The following DYNC1I1 variants were observed in gnomAD, a reference collection of about 807,000 sequenced individuals.
The protein encoded by DYNC1I1 is cytoplasmic dynein 1 intermediate chain 1.
A neutral mutation model predicts 86.6 loss-of-function variants in DYNC1I1; 43 were observed. The ratio of observed to expected loss-of-function variants is 0.50; its 90% CI spans 0.39 to 0.64. The LOEUF is 0.64. Among genes scored for constraint, DYNC1I1 ranks in the 30% least tolerant of loss-of-function variants. The pLI, the probability that DYNC1I1 is intolerant of heterozygous loss-of-function variation, is 0.00. For missense variants in DYNC1I1, 604 were observed against 788.8 expected (o/e 0.77, Z 2.81); for synonymous variants, 262 against 283.7 (o/e 0.92, Z 0.77).
intron 16 of DYNC1I1, among the ~76,000 whole-genome samples, chr7:96,082,691 A>G (rs1304654545): frequency 6.6e-6 from 1 of 152,208 alleles, no homozygotes. Flanking sequence ...GAAACACAAT[A>G]TGACATATAT....
At chr7:96,084,542 C>T (rs1790622547) in intron 16 of DYNC1I1, among the ~76,000 whole-genome samples, 1 of 150,634 alleles carries the variant, frequency 6.6e-6, no homozygotes, top group Non-Finnish European at 1.5e-5. Context: ...CCTGCCTTAG[C>T]CTCCTAAGTA....
At chr7:95,928,045 C>T (rs1791792056) in intron 6 of DYNC1I1, among the ~76,000 whole-genome samples, 1 of 152,204 alleles carries the variant, frequency 6.6e-6, no homozygotes, top group Non-Finnish European at 1.5e-5. Flanking sequence ...GGCCTGGTTT[C>T]AGCAGTTTGC....
chr7:96,062,486 G>C (rs1346781470), intron 14 of DYNC1I1, among the ~76,000 whole-genome samples: 1 of 151,464 alleles, frequency 6.6e-6, no homozygotes. Context: ...GTCAAAACCA[G>C]GCTATAGATA....
At chr7:95,811,316 A>T (rs1322789734) in intron 3 of DYNC1I1, among the ~76,000 whole-genome samples, 1 of 152,184 alleles carries the variant, frequency 6.6e-6, no homozygotes, top group Non-Finnish European at 1.5e-5. Flanking sequence ...TATCCAATAT[A>T]GTTAAAAACC....
intron 6 of DYNC1I1, among the ~76,000 whole-genome samples, chr7:95,950,624 C>T (rs1463772588): frequency 1.3e-5 from 2 of 152,092 alleles, no homozygotes; most frequent in East Asian, 1.9e-4. Flanking sequence ...TGGCAGAATT[C>T]GGTAAAACTG....
At position 96,079,885 on chromosome 7, in the gene DYNC1I1, T is replaced by G. The variant is rs550449823; in HGVS notation, c.1651-478T>G. Among the ~76,000 whole-genome samples, 7 of 152,330 alleles carry G rather than the reference T, an allele frequency of 4.6e-5. No homozygotes were observed. The East Asian group carries it at 1.3e-3, about 29-fold the overall frequency. On this transcript the variant is annotated intron_variant, in intron 15 of 16. Transcript: ENST00000447467. Reference sequence around the variant, plus strand: ...TGATGAGGTTTGAGAGATCAATACATATGTTTACTTTTTCCTTGAAGACTC... The same window carrying G: ...TGATGAGGTTTGAGAGATCAATACAGATGTTTACTTTTTCCTTGAAGACTC...
intron 6 of DYNC1I1, among the ~76,000 whole-genome samples, chr7:95,876,774 T>C (rs1790319520): frequency 6.6e-6 from 1 of 152,012 alleles, no homozygotes; most frequent in Admixed American, 6.6e-5. Context: ...TTAAGAAACA[T>C]CTAAGGTTCC....
chr7:96,078,677 A>G (rs1049081919), intron 15 of DYNC1I1, among the ~76,000 whole-genome samples: 5 of 152,134 alleles, frequency 3.3e-5, no homozygotes, highest in African/African-American at 1.2e-4. Context: ...AAGATTAAAC[A>G]TTTTATTCTA....
At chr7:95,954,321 A>G (rs977001492) in intron 6 of DYNC1I1, among the ~76,000 whole-genome samples, 2 of 151,478 alleles carry the variant, frequency 1.3e-5, no homozygotes, top group Non-Finnish European at 2.9e-5. Context: ...ATTAAGGTCA[A>G]ATAAAATTTC....
chr7:96,036,527 AATCGTATTTTAGTTT>A (rs1794930847), intron 13 of DYNC1I1, among the ~76,000 whole-genome samples: 1 of 152,180 alleles, frequency 6.6e-6, no homozygotes, highest in Non-Finnish European at 1.5e-5. Context: ...TAATAGCATT[AATCGTATTTTAGTTT>A]ATTCATTCAT....
chr7:95,858,866 T>A (rs1789797697), intron 5 of DYNC1I1, among the ~76,000 whole-genome samples: 1 of 148,732 alleles, frequency 6.7e-6, no homozygotes, highest in Non-Finnish European at 1.5e-5. Context: ...TCTTTATTCC[T>A]TTTCATTCTT....
In DYNC1I1 at chr7:95,804,789, G is replaced by T. The variant is rs763887544; in HGVS notation, c.60G>T (p.Gln20His). Residue 20 changes from glutamine (Q) to histidine (H), a missense_variant, in exon 2 of 17, where the codon CAG (glutamine) becomes CAT (histidine). Gln to His is a conservative substitution (Grantham distance 24). Coordinates refer to ENST00000447467, the MANE Select transcript of DYNC1I1 (RefSeq NM_001135556.2). ...ELERKKQRLA[Q>H]IREEKKRKEE... ...AGCGCAAAAAGCAGCGCTTAGCACA[G>T]ATAAGAGAAGAGAAGAAACGGAAGG... 11 of 1,586,514 alleles carry T rather than the reference G, an allele frequency of 6.9e-6. No homozygotes were observed. In the Admixed American group the frequency reaches 1.9e-4, roughly 28 times the overall value.
In DYNC1I1 at chr7:95,849,204, C is replaced by T. The variant is rs80174160; in HGVS notation, c.375-20679C>T. ...TTTATTCTGTTGATTGTTTCTTTTTCTGTTGAGAAGCTTTTTAGTTTGATG... is the reference window on the plus strand; with the variant it reads ...TTTATTCTGTTGATTGTTTCTTTTTTTGTTGAGAAGCTTTTTAGTTTGATG... On this transcript the variant is annotated intron_variant, in intron 5 of 16. Transcript: ENST00000447467. Among the ~76,000 whole-genome samples the T allele has an allele frequency of 7.8e-3, 1,183 of 152,084 alleles. 10 individuals are homozygous for T. The highest frequency in any genetic ancestry group is 0.026 in the African/African-American group (1,100 of 41,514).
chr7:95,977,739 C>A, intron 7 of DYNC1I1, 138 bp downstream of exon 7: 1 of 642,202 alleles, frequency 1.6e-6, no homozygotes, highest in Non-Finnish European at 2.5e-6. Flanking sequence ...TTGTTCAATA[C>A]ATTACATTTA....
At chr7:95,861,913 T>C (rs965445175) in intron 5 of DYNC1I1, among the ~76,000 whole-genome samples, 2 of 152,202 alleles carry the variant, frequency 1.3e-5, no homozygotes, top group Non-Finnish European at 2.9e-5. Context: ...TCAATATTCA[T>C]GACAGAAGCC....
chr7:95,946,981 A>G (rs1298511670), intron 6 of DYNC1I1, among the ~76,000 whole-genome samples: 2 of 152,176 alleles, frequency 1.3e-5, no homozygotes, highest in Admixed American at 1.3e-4. Flanking sequence ...AAGCATGGAG[A>G]ACACAAGGAA....
chr7:95,974,477 A>C (rs1793253443), intron 6 of DYNC1I1, among the ~76,000 whole-genome samples: 1 of 152,184 alleles, frequency 6.6e-6, no homozygotes, highest in Non-Finnish European at 1.5e-5. Flanking sequence ...TTAAGGAAGG[A>C]TTATTATCCC....
intron 9 of DYNC1I1, among the ~76,000 whole-genome samples, chr7:95,988,949 G>C (rs1289194011): frequency 1.3e-5 from 2 of 152,182 alleles, no homozygotes; most frequent in African/African-American, 4.8e-5. Context: ...GTATGGTATA[G>C]TGGGGATTTA....
intron 14 of DYNC1I1, among the ~76,000 whole-genome samples, chr7:96,057,175 A>T (rs973514748): frequency 3.3e-5 from 5 of 152,150 alleles, no homozygotes; most frequent in African/African-American, 1.2e-4. Flanking sequence ...TGAACCCCTT[A>T]AAGTTTCTGG....
Sources: gnomAD v4.1 joint callset for allele counts (sites outside exome capture counted in the v4.1 genomes callset) on GRCh38, gnomAD v4.1.1 for gene constraint, MANE v1.5 for transcripts, NCBI Gene and HGNC (gene_info 2026-07-23, HGNC 2026-07-21) for gene names.